Variants in TRDN observed in about 807,000 individuals in gnomAD.
TRDN encodes triadin in skeletal muscle.
TRDN carries 161 observed loss-of-function variants against 149.7 expected under a neutral mutation model. That is an observed-to-expected ratio of 1.08 (90% confidence interval 0.95 to 1.23). The LOEUF (loss-of-function observed/expected upper bound fraction) is 1.23, where lower values mean the gene tolerates loss of function less well. Among genes scored for constraint, TRDN ranks in the 50% most tolerant of loss-of-function variants. The probability of loss-of-function intolerance (pLI) is 0.00; values close to 1 mark genes in which losing one functional copy is unlikely to be tolerated. For synonymous variants in TRDN, 294 were observed against 250.5 expected (o/e 1.17, Z -1.64); for missense variants, 896 against 823.5 (o/e 1.09, Z -1.08).
At chr6:123,358,134 TA>T (rs1376176362) in intron 20 of TRDN, among the ~76,000 whole-genome samples, 3 of 152,154 alleles carry the variant, frequency 2.0e-5, no homozygotes, top group Non-Finnish European at 1.5e-5. Flanking sequence ...GAATATCCTT[TA>T]GTGCTGAGTG....
chr6:123,407,490 C>G (rs1020192875), intron 12 of TRDN, among the ~76,000 whole-genome samples: 3 of 152,116 alleles, frequency 2.0e-5, no homozygotes, highest in African/African-American at 7.2e-5. Flanking sequence ...CCAGGACTTT[C>G]TTAAGGCATC....
intron 24 of TRDN, among the ~76,000 whole-genome samples, chr6:123,289,446 G>A (rs1429109175): frequency 6.6e-6 from 1 of 151,990 alleles, no homozygotes; most frequent in Non-Finnish European, 1.5e-5. Flanking sequence ...TAATAATGAG[G>A]TAGGGGGCAG....
rs553606563 is a variant in TRDN, at chr6:123,565,118, A to T, written c.232+5805T>A. Among the ~76,000 whole-genome samples the T allele has an allele frequency of 3.9e-5, 6 of 152,340 alleles. No homozygotes were observed. In the East Asian group the frequency reaches 1.2e-3, roughly 29 times the overall value. On this transcript the variant is annotated intron_variant, in intron 2 of 40. Coordinates refer to ENST00000334268, the MANE Select transcript of TRDN (RefSeq NM_006073.4). ...GTTGTCACTTCATAAATAAAGCAAAAGAAATTTGTAAGAAATTTCAACCAA... is the reference window on the plus strand; with the variant it reads ...GTTGTCACTTCATAAATAAAGCAAATGAAATTTGTAAGAAATTTCAACCAA...
At chr6:123,599,590 C>T (rs1023795788) in intron 1 of TRDN, among the ~76,000 whole-genome samples, 2 of 151,594 alleles carry the variant, frequency 1.3e-5, no homozygotes, top group Non-Finnish European at 2.9e-5. Flanking sequence ...TAATTTGGTG[C>T]TATTTTTTTT....
intron 1 of TRDN, among the ~76,000 whole-genome samples, chr6:123,585,786 C>A (rs1235886881): frequency 6.6e-6 from 1 of 151,918 alleles, no homozygotes; most frequent in Non-Finnish European, 1.5e-5. Flanking sequence ...TGGAGGAACG[C>A]CTGCCCGCTG....
At chr6:123,493,005 C>T (rs954300007) in intron 9 of TRDN, among the ~76,000 whole-genome samples, 6 of 152,062 alleles carry the variant, frequency 3.9e-5, no homozygotes, top group Non-Finnish European at 8.8e-5. Flanking sequence ...TCCTGTATAA[C>T]GCTGACCATC....
At chr6:123,353,271 G>T (rs1428914759) in intron 20 of TRDN, among the ~76,000 whole-genome samples, 2 of 151,806 alleles carry the variant, frequency 1.3e-5, no homozygotes, top group Non-Finnish European at 3.0e-5. Flanking sequence ...ATGAGGAACT[G>T]ATTATTGCTA....
chr6:123,517,559 T>C (rs888947517), intron 5 of TRDN, among the ~76,000 whole-genome samples: 2 of 152,068 alleles, frequency 1.3e-5, no homozygotes, highest in Admixed American at 6.6e-5. Flanking sequence ...TGATCTGACA[T>C]TTTCTTACCA....
chr6:123,419,363 G>A (rs978328072), intron 12 of TRDN, among the ~76,000 whole-genome samples: 3 of 152,074 alleles, frequency 2.0e-5, no homozygotes, highest in Non-Finnish European at 4.4e-5. Context: ...CTTTACACAT[G>A]CATAATTTTT....
intron 2 of TRDN, among the ~76,000 whole-genome samples, chr6:123,568,537 G>T (rs1336654139): frequency 6.6e-6 from 1 of 152,232 alleles, no homozygotes; most frequent in Non-Finnish European, 1.5e-5. Flanking sequence ...TACATTCTCT[G>T]AAATCTAGGT....
intron 35 of TRDN, among the ~76,000 whole-genome samples, chr6:123,259,155 C>A (rs1224342746): frequency 1.3e-5 from 2 of 151,856 alleles, no homozygotes; most frequent in East Asian, 3.9e-4. Flanking sequence ...CTGCTCTGAT[C>A]TTAGTTATTT....
intron 10 of TRDN, among the ~76,000 whole-genome samples, chr6:123,446,584 CAAAAAAA>C (rs572029827): frequency 1.3e-4 from 8 of 61,092 alleles, no homozygotes; most frequent in African/African-American, 3.0e-4. Flanking sequence ...GATTCCATCT[CAAAAAAA>C]AAAAAAAAAA....
Position 123,438,967 on chromosome 6 carries a change from A to T in TRDN, c.968T>A (p.Val323Asp). 1 of 1,562,402 alleles carries T rather than the reference A, an allele frequency of 6.4e-7. No homozygotes were observed. The highest frequency in any genetic ancestry group is 8.7e-7 in the Non-Finnish European group (1 of 1,152,022). ...EGEKKKAEKK[V>D]TSETKKKEKE... is the part of the protein sequence containing the mutation. ...ACCTTTCTTTTTTGTTTCAGAAGTAACTTTCTTCTCAGCCTTCTTCTTTTC... is the reference window on the plus strand; with the variant it reads ...ACCTTTCTTTTTTGTTTCAGAAGTATCTTTCTTCTCAGCCTTCTTCTTTTC... The change falls in exon 11 of 41, where the codon GTT (valine) becomes GAT (aspartate). Residue 323 changes from valine to aspartate, a missense_variant. Transcript: ENST00000334268.
intron 7 of TRDN, among the ~76,000 whole-genome samples, chr6:123,507,900 T>C (rs1217776931): frequency 6.6e-6 from 1 of 152,084 alleles, no homozygotes; most frequent in African/African-American, 2.4e-5. Flanking sequence ...ATACTACACA[T>C]GTTGGGAGTT....
intron 37 of TRDN, among the ~76,000 whole-genome samples, chr6:123,254,160 C>T (rs1040476134): frequency 3.3e-5 from 5 of 152,096 alleles, no homozygotes; most frequent in South Asian, 2.1e-4. Context: ...ATCCTTCTGG[C>T]TGATTATCTC....
At chr6:123,436,793 T>G (rs1185325237) in intron 12 of TRDN, among the ~76,000 whole-genome samples, 3 of 152,142 alleles carry the variant, frequency 2.0e-5, no homozygotes, top group Non-Finnish European at 2.9e-5. Context: ...AGGAAAGATC[T>G]GGAAATCTCA....
At position 123,239,726 on chromosome 6, in the gene TRDN, GT is replaced by G. The variant is rs1281504929; in HGVS notation, c.1975+12685del. On this transcript the variant is annotated intron_variant, in intron 38 of 40. Transcript: ENST00000334268. ...TGTAATGAAAATACTACATATAAAA[GT>G]TTGTGGGATGCTGCTGAAATAGTGC... 7.2e-5 allele frequency among the ~76,000 whole-genome samples: 11 copies of G among 152,072 alleles called. No individual in the cohort carries two copies. The East Asian group carries it at 2.1e-3, about 29-fold the overall frequency.
At chr6:123,406,032 C>T (rs1485519257) in intron 12 of TRDN, among the ~76,000 whole-genome samples, 2 of 152,164 alleles carry the variant, frequency 1.3e-5, no homozygotes, top group African/African-American at 4.8e-5. Context: ...ACTCAAATTT[C>T]TAAAAAACTG....
intron 34 of TRDN, 101 bp from the exon 35 acceptor site, chr6:123,259,763 G>T: frequency 1.3e-6 from 1 of 783,346 alleles, no homozygotes; most frequent in Non-Finnish European, 2.0e-6. Context: ...AATCTTATGA[G>T]TGGAGGGAGT....
Sources: gnomAD v4.1 joint callset for allele counts (sites outside exome capture counted in the v4.1 genomes callset) on GRCh38, gnomAD v4.1.1 for gene constraint, MANE v1.5 for transcripts, NCBI Gene and HGNC (gene_info 2026-07-23, HGNC 2026-07-21) for gene names.